The following HERC4 variants were observed in gnomAD, a reference collection of about 807,000 sequenced individuals.
HERC4 encodes the protein probable E3 ubiquitin-protein ligase HERC4.
HERC4 carries 28 observed loss-of-function variants against 124.3 expected under a neutral mutation model. The observed-to-expected ratio is 0.23, with a 90% confidence interval of 0.17 to 0.31. HERC4 has a LOEUF of 0.31. Among genes scored for constraint, HERC4 ranks in the 10% least tolerant of loss-of-function variants. The pLI is 1.00. For missense variants in HERC4, 713 were observed against 1,229.3 expected (o/e 0.58, Z 6.28); for synonymous variants, 407 against 421.5 (o/e 0.97, Z 0.42).
At chr10:68,022,500 A>AAAATAAAT (rs34560535) in intron 8 of HERC4, among the ~76,000 whole-genome samples, 12,401 of 143,816 alleles carry the variant, frequency 0.086, 804 homozygotes, top group East Asian at 0.32. Context: ...ACTCCATCTC[A>AAAATAAAT]AAATAAATAA....
chr10:68,072,618 T>G (rs565913892), intron 3 of HERC4, among the ~76,000 whole-genome samples: 201 of 152,178 alleles, frequency 1.3e-3, no homozygotes, highest in Non-Finnish European at 2.4e-3. Flanking sequence ...TACCAAAGAT[T>G]TATATACTGC....
intron 16 of HERC4, among the ~76,000 whole-genome samples, chr10:67,963,026 C>A (rs1018794009): frequency 1.3e-5 from 2 of 152,126 alleles, no homozygotes; most frequent in African/African-American, 4.8e-5. Context: ...AAAATGAAAT[C>A]TCAGAGAAAT....
At chr10:68,008,842 G>A (rs1186350708) in intron 9 of HERC4, among the ~76,000 whole-genome samples, 2 of 152,124 alleles carry the variant, frequency 1.3e-5, no homozygotes, top group Non-Finnish European at 2.9e-5. Flanking sequence ...GATATTTAGG[G>A]TTTGGTTCCA....
chr10:68,067,107 G>T (rs546058681), intron 3 of HERC4: 1 of 152,564 alleles, frequency 6.6e-6, no homozygotes, highest in Non-Finnish European at 1.5e-5. Flanking sequence ...CCATTTCTCC[G>T]TAAATTTATC....
chr10:67,958,007 C>G (rs1313135001), intron 16 of HERC4, among the ~76,000 whole-genome samples: 1 of 152,128 alleles, frequency 6.6e-6, no homozygotes, highest in Non-Finnish European at 1.5e-5. Context: ...TGGGGTTTCA[C>G]TAGGTTGGCC....
intron 9 of HERC4, among the ~76,000 whole-genome samples, chr10:68,003,451 G>T (rs1016363543): frequency 6.6e-6 from 1 of 151,736 alleles, no homozygotes; most frequent in South Asian, 2.1e-4. Flanking sequence ...GGGATTACAG[G>T]GGTGAGCCAC....
Position 68,010,995 on chromosome 10 carries a change from C to T in HERC4, c.1069+3031G>A, listed in dbSNP as rs982279403. 44 of 742,212 alleles carry T rather than the reference C, an allele frequency of 5.9e-5. No homozygotes were observed. In the South Asian group the frequency reaches 7.5e-4, roughly 13 times the overall value. The allele number at this position is 742,212 out of a possible 1,614,324, so 46.0% of individuals were successfully genotyped here. ...TATAGTTAAGTTCTTCGAATGAAGT[C>T]TTGAGCCCCTCAGTCATCCATGAAG... is the stretch of plus-strand genomic sequence containing the variant. On this transcript the variant is annotated intron_variant, in intron 9 of 24. Coordinates refer to ENST00000373700, the MANE Select transcript of HERC4 (RefSeq NM_015601.4).
At chr10:67,954,916 G>C (rs1400608009) in intron 18 of HERC4, 47 bp downstream of exon 18, 1 of 1,508,496 alleles carries the variant, frequency 6.6e-7, no homozygotes, top group Non-Finnish European at 8.8e-7. Context: ...TTTAAACATA[G>C]CTTCTGAATA....
intron 21 of HERC4, among the ~76,000 whole-genome samples, chr10:67,937,765 C>T (rs910751274): frequency 8.6e-5 from 13 of 151,294 alleles, no homozygotes; most frequent in African/African-American, 3.2e-4. Flanking sequence ...ACTGCAACCT[C>T]CACCTCTCAG....
chr10:67,955,381 C>T (rs1419522826), intron 17 of HERC4: 2 of 330,628 alleles, frequency 6.0e-6, no homozygotes, highest in South Asian at 4.7e-5. Context: ...CAGTACAGAA[C>T]GGTAGTAATA....
At chr10:68,071,485 T>TG (rs2041572406) in intron 3 of HERC4, among the ~76,000 whole-genome samples, 1 of 152,240 alleles carries the variant, frequency 6.6e-6, no homozygotes, top group Non-Finnish European at 1.5e-5. Flanking sequence ...GTTATTTCTA[T>TG]GGGGCATGCT....
intron 9 of HERC4, among the ~76,000 whole-genome samples, chr10:67,997,420 T>G (rs2036953566): frequency 6.6e-6 from 1 of 152,242 alleles, no homozygotes. Flanking sequence ...TATCATCATC[T>G]GTATTTATTT....
chr10:67,924,691 C>G (rs760253672), intron 24 of HERC4, among the ~76,000 whole-genome samples: 1 of 152,138 alleles, frequency 6.6e-6, no homozygotes, highest in Non-Finnish European at 1.5e-5. Flanking sequence ...ATACAAGAAA[C>G]TTGAGCATCT....
intron 8 of HERC4, among the ~76,000 whole-genome samples, chr10:68,020,020 C>T (rs2038514296): frequency 6.6e-6 from 1 of 152,148 alleles, no homozygotes; most frequent in African/African-American, 2.4e-5. Context: ...GGGAGCCAGG[C>T]ATTTAAGGTC....
intron 19 of HERC4, among the ~76,000 whole-genome samples, chr10:67,944,501 G>C (rs2033169933): frequency 6.6e-6 from 1 of 152,150 alleles, no homozygotes; most frequent in South Asian, 2.1e-4. Context: ...AATAAAACCA[G>C]ACTGTGAAGA....
chr10:67,925,664 A>T (rs1213498930), intron 23 of HERC4, among the ~76,000 whole-genome samples: 1 of 152,098 alleles, frequency 6.6e-6, no homozygotes, highest in Non-Finnish European at 1.5e-5. Context: ...GCCCGTGTGT[A>T]TAAGGATACT....
At chr10:67,946,379 AC>A (rs2033346423) in intron 19 of HERC4, among the ~76,000 whole-genome samples, 2 of 151,396 alleles carry the variant, frequency 1.3e-5, no homozygotes, top group Admixed American at 1.3e-4. Context: ...ACACACACAC[AC>A]ACACACACAC....
At chr10:67,990,480 GAAGAAAAGA>G (rs2036494000) in intron 13 of HERC4, 80 bp from the exon 14 acceptor site, 1 of 894,002 alleles carries the variant, frequency 1.1e-6, no homozygotes, top group Admixed American at 3.9e-5. Flanking sequence ...AGGAAGGCAG[GAAGAAAAGA>G]AAGAAAAGGA....
intron 3 of HERC4, 81 bp downstream of exon 3, chr10:68,072,802 A>G (rs2041636014): frequency 1.0e-6 from 1 of 971,386 alleles, no homozygotes; most frequent in African/African-American, 1.7e-5. Flanking sequence ...TATAGTTACA[A>G]CTAGAGAAAT....
Sources: gnomAD v4.1 joint callset for allele counts (sites outside exome capture counted in the v4.1 genomes callset) on GRCh38, gnomAD v4.1.1 for gene constraint, MANE v1.5 for transcripts, NCBI Gene and HGNC (gene_info 2026-07-23, HGNC 2026-07-21) for gene names.